Variants in GATAD2A observed in about 807,000 individuals in gnomAD.
The protein encoded by GATAD2A is GATA zinc finger domain containing 2A.
GATAD2A carries 12 observed loss-of-function variants against 68.5 expected under a neutral mutation model. The observed-to-expected ratio is 0.18, with a 90% CI of 0.11 to 0.28. GATAD2A has a LOEUF of 0.28. Ranked by LOEUF, GATAD2A falls within the 10% of genes least tolerant of loss-of-function variation. GATAD2A has a pLI of 1.00. For synonymous variants in GATAD2A, 410 were observed against 375.3 expected (o/e 1.09, Z -1.07); for missense variants, 755 against 868.5 (o/e 0.87, Z 1.64).
At chr19:19,411,690 C>T (rs1427919722) in intron 1 of GATAD2A, among the ~76,000 whole-genome samples, 5 of 152,052 alleles carry the variant, frequency 3.3e-5, no homozygotes, top group East Asian at 1.9e-4. Context: ...CTTATGTTGG[C>T]GGAGACAGCA....
At chr19:19,469,347 G>T (rs904136033) in intron 2 of GATAD2A, among the ~76,000 whole-genome samples, 1 of 150,572 alleles carries the variant, frequency 6.6e-6, no homozygotes, top group African/African-American at 2.5e-5. Context: ...CAGGAAAATG[G>T]TGTGAACCTG....
intron 1 of GATAD2A, among the ~76,000 whole-genome samples, chr19:19,428,187 C>T (rs1369867152): frequency 6.6e-6 from 1 of 152,198 alleles, no homozygotes; most frequent in East Asian, 1.9e-4. Context: ...ATCTGAAATA[C>T]TAAACACTTA....
intron 1 of GATAD2A, among the ~76,000 whole-genome samples, chr19:19,432,890 A>G (rs1895664764): frequency 6.6e-6 from 1 of 152,128 alleles, no homozygotes; most frequent in Admixed American, 6.5e-5. Context: ...GAAAGCAGAG[A>G]ATATAGTTTG....
chr19:19,417,332 G>C (rs2051772064), intron 1 of GATAD2A, among the ~76,000 whole-genome samples: 1 of 152,184 alleles, frequency 6.6e-6, no homozygotes. Context: ...TCTTACTCCA[G>C]TGTCTTCCAC....
rs371440161 is a variant in GATAD2A, at chr19:19,483,621, G to GT, written c.270-8675dup. On this transcript the variant is annotated intron_variant, in intron 2 of 11. Coordinates refer to ENST00000683918, the MANE Select transcript of GATAD2A (RefSeq NM_001384528.1). ...AGACAACCCCCAGGAGTTCTTCAGT[G>GT]TTTTTTTTTTGGAGACTGAGTCTCG... 4.0e-3 allele frequency among the ~76,000 whole-genome samples: 595 copies of GT among 147,500 alleles called. 2 individuals are homozygous for GT. Among genetic ancestry groups the GT allele is most frequent in the South Asian group, 0.021 (96 of 4,610 alleles).
intron 5 of GATAD2A, among the ~76,000 whole-genome samples, chr19:19,494,889 C>G (rs1434028929): frequency 6.6e-6 from 1 of 152,186 alleles, no homozygotes; most frequent in Non-Finnish European, 1.5e-5. Context: ...GTTGGTGGGA[C>G]TCACTCAGGA....
At chr19:19,445,571 C>CT (rs1238366595) in intron 1 of GATAD2A, among the ~76,000 whole-genome samples, 3 of 152,176 alleles carry the variant, frequency 2.0e-5, no homozygotes, top group Non-Finnish European at 4.4e-5. Flanking sequence ...CAGTCACTGC[C>CT]TTTTCCTTGA....
At chr19:19,434,524 C>T (rs550030608) in intron 1 of GATAD2A, among the ~76,000 whole-genome samples, 10 of 152,214 alleles carry the variant, frequency 6.6e-5, no homozygotes, top group African/African-American at 1.7e-4. Flanking sequence ...TGTGAATTGC[C>T]GTGAACCTAG....
chr19:19,481,615 C>T (rs1177228829), intron 2 of GATAD2A, among the ~76,000 whole-genome samples: 3 of 152,084 alleles, frequency 2.0e-5, no homozygotes, highest in Admixed American at 6.5e-5. Flanking sequence ...CATGAACCAT[C>T]GCACCTGGCC....
In GATAD2A at chr19:19,505,378, G is replaced by A. The variant is rs141678692; in HGVS notation, c.1809G>A (p.Ala603=). 2.3e-4 allele frequency: 372 copies of A among 1,613,248 alleles called. No individual in the cohort carries two copies. The African/African-American group carries it at 3.4e-3, about 15-fold the overall frequency. Residue 603 remains alanine, a synonymous_variant, in exon 12 of 12, where the codon GCG becomes GCA. Transcript: ENST00000683918. Reference sequence around the variant, plus strand: ...TTGCGTTTGTCAGCCCAAGCCTGGCGGTGCACAAGAGCTCCTCGGCCGTGG... The same window carrying A: ...TTGCGTTTGTCAGCCCAAGCCTGGCAGTGCACAAGAGCTCCTCGGCCGTGG... ...GTLAFVSPSL[A]VHKSSSAVDR...
intron 1 of GATAD2A, among the ~76,000 whole-genome samples, chr19:19,399,222 TCAAA>T (rs972456697): frequency 4.6e-5 from 7 of 150,782 alleles, no homozygotes; most frequent in African/African-American, 7.3e-5. Flanking sequence ...AGGCTCCATC[TCAAA>T]CAAACAAACA....
intron 2 of GATAD2A, among the ~76,000 whole-genome samples, chr19:19,469,523 TAAAG>T (rs377610101): frequency 6.4e-4 from 96 of 150,540 alleles, no homozygotes; most frequent in African/African-American, 2.2e-3. Flanking sequence ...CACTGAGAAA[TAAAG>T]GAACAAACAA....
At chr19:19,435,600 A>G (rs2054246803) in intron 1 of GATAD2A, among the ~76,000 whole-genome samples, 1 of 152,190 alleles carries the variant, frequency 6.6e-6, no homozygotes, top group Admixed American at 6.5e-5. Context: ...CTGTAATCCT[A>G]GCACTTTGGG....
intron 2 of GATAD2A, chr19:19,474,264 G>GC: frequency 1.7e-6 from 1 of 576,696 alleles, no homozygotes; most frequent in Non-Finnish European, 2.2e-6. Context: ...AACCACGTGA[G>GC]CATGGGGCTC....
In GATAD2A at chr19:19,465,876, C is replaced by CAGTA. The variant is rs1555711013; in HGVS notation, c.269+263_269+266dup. On this transcript the variant is annotated intron_variant, in intron 2 of 11. Transcript: ENST00000683918. The stretch of plus-strand genomic sequence containing the variant: ...CACATTCCATCAGCTCCCCTGCCAT[C>CAGTA]AGTAGGCCTTTGCCACCCACGCACC... 8.4e-3 allele frequency among the ~76,000 whole-genome samples: 1,280 copies of CAGTA among 152,382 alleles called. 20 individuals are homozygous for CAGTA. The highest frequency in any genetic ancestry group is 0.029 in the African/African-American group (1,226 of 41,584).
At chr19:19,483,703 C>G (rs778287766) in intron 2 of GATAD2A, among the ~76,000 whole-genome samples, 1 of 151,902 alleles carries the variant, frequency 6.6e-6, no homozygotes, top group East Asian at 1.9e-4. Flanking sequence ...CAAACTCCAC[C>G]TCCCGGGTTC....
At chr19:19,487,691 G>A (rs1474829209) in intron 2 of GATAD2A, among the ~76,000 whole-genome samples, 1 of 152,188 alleles carries the variant, frequency 6.6e-6, no homozygotes. Flanking sequence ...GAAGAGGGAT[G>A]TTCTGCAGGC....
chr19:19,390,233 C>G (rs1287197518), intron 1 of GATAD2A, among the ~76,000 whole-genome samples: 1 of 152,054 alleles, frequency 6.6e-6, no homozygotes, highest in African/African-American at 2.4e-5. Flanking sequence ...TTCGAGGGAA[C>G]ACATTGCTGT....
chr19:19,502,600 G>A, intron 11 of GATAD2A, 74 bp downstream of exon 11: 1 of 1,196,208 alleles, frequency 8.4e-7, no homozygotes, highest in Non-Finnish European at 1.2e-6. Context: ...CGAAACAGAG[G>A]CACATGTGCA....
Sources: allele counts gnomAD v4.1 joint callset (sites outside exome capture counted in the v4.1 genomes callset), GRCh38; gene constraint gnomAD v4.1.1; transcripts MANE v1.5; gene names NCBI Gene and HGNC (gene_info 2026-07-23, HGNC 2026-07-21).